The following SDSL variants were observed in gnomAD, a reference collection of about 807,000 sequenced individuals.
The protein encoded by SDSL is serine dehydratase-like.
A neutral mutation model predicts 27.6 loss-of-function variants in SDSL; 26 were observed. The observed-to-expected ratio is 0.94, with a 90% confidence interval of 0.69 to 1.31. The LOEUF (loss-of-function observed/expected upper bound fraction) is 1.31. Ranked by LOEUF, SDSL falls within the 50% of genes most tolerant of loss-of-function variation. SDSL has a pLI of 0.00. For synonymous variants in SDSL, 196 were observed against 180.6 expected, an observed-to-expected ratio of 1.09 and a Z score of -0.69; for missense variants, 431 against 423.5, an observed-to-expected ratio of 1.02 and a Z score of -0.16.
chr12:113,429,326 A>C (rs761246032), intron 4 of SDSL, 27 bp downstream of exon 4: 10 of 1,590,438 alleles, frequency 6.3e-6, no homozygotes, highest in Non-Finnish European at 8.6e-6. Flanking sequence ...GGGGAGAACC[A>C]TCTGGGTGGG....
At chr12:113,429,412 A>G in intron 4 of SDSL, 113 bp downstream of exon 4, 1 of 1,204,708 alleles carries the variant, frequency 8.3e-7, no homozygotes, top group Non-Finnish European at 1.2e-6. Context: ...GCTGGGACCC[A>G]GTCCTCTCTC....
intron 2 of SDSL, 99 bp from the exon 3 acceptor site, chr12:113,428,321 C>A: frequency 1.5e-6 from 2 of 1,337,954 alleles, no homozygotes; most frequent in Non-Finnish European, 1.0e-6. Context: ...GGGGTAAAGG[C>A]GTATTGGGAG....
At chr12:113,431,740 ATTT>A (rs36029038) in intron 4 of SDSL, among the ~76,000 whole-genome samples, 3 of 122,424 alleles carry the variant, frequency 2.5e-5, no homozygotes, top group Non-Finnish European at 3.5e-5. Context: ...CACCCAGCTA[ATTT>A]TTTTTTTTTT....
At chr12:113,432,929 C>T (rs979717672) in intron 4 of SDSL, among the ~76,000 whole-genome samples, 3 of 152,166 alleles carry the variant, frequency 2.0e-5, no homozygotes, top group African/African-American at 7.2e-5. Flanking sequence ...TGATGGGCAC[C>T]TGGGTTGATT....
chr12:113,429,666 A>G (rs1692595380), intron 4 of SDSL, among the ~76,000 whole-genome samples: 1 of 152,186 alleles, frequency 6.6e-6, no homozygotes, highest in Non-Finnish European at 1.5e-5. Flanking sequence ...ATTAGTTCTC[A>G]TTCTGAGACC....
intron 1 of SDSL, chr12:113,426,207 T>G (rs578239492): frequency 7.7e-5 from 35 of 455,574 alleles, no homozygotes; most frequent in South Asian, 5.1e-4. Context: ...CATTTCTCCC[T>G]CGAGGTGGTC....
At chr12:113,431,694 C>A (rs1957923592) in intron 4 of SDSL, among the ~76,000 whole-genome samples, 2 of 151,552 alleles carry the variant, frequency 1.3e-5, no homozygotes, top group Non-Finnish European at 2.9e-5. Context: ...CTGCCTTGGC[C>A]TCCCAAGTAG....
At chr12:113,430,116 TTCCA>T (rs750497934) in intron 4 of SDSL, among the ~76,000 whole-genome samples, 10 of 148,356 alleles carry the variant, frequency 6.7e-5, no homozygotes, top group Admixed American at 1.3e-4. Flanking sequence ...TCTCCCTTCT[TTCCA>T]TCCATCCATC....
At chr12:113,424,289 T>A (rs571773242) in intron 1 of SDSL, among the ~76,000 whole-genome samples, 4 of 152,348 alleles carry the variant, frequency 2.6e-5, no homozygotes, top group Non-Finnish European at 2.9e-5. Flanking sequence ...CACAAAGTGC[T>A]GGGATTACAG....
chr12:113,425,499 C>T (rs779970928), intron 1 of SDSL, among the ~76,000 whole-genome samples: 1 of 152,124 alleles, frequency 6.6e-6, no homozygotes, highest in Non-Finnish European at 1.5e-5. Flanking sequence ...TGTGAGTGGG[C>T]AGGGGAAGTT....
rs767802366 is a variant in SDSL, at chr12:113,432,272, CTT to C, written c.355-1860_355-1859del. ...TCTTTCTTTCTTTCTTTCTTTCTTTCTTTCTTTCTTTCTTTCTTTCTCTCTCT... is the reference window on the plus strand; with the variant it reads ...TCTTTCTTTCTTTCTTTCTTTCTTTCTCTTTCTTTCTTTCTTTCTCTCTCT... On this transcript the variant is annotated intron_variant, in intron 4 of 7. Coordinates refer to ENST00000403593, the MANE Select transcript of SDSL (RefSeq NM_001304993.2). Among the ~76,000 whole-genome samples, 463 of 129,756 alleles carry C rather than the reference CTT, an allele frequency of 3.6e-3. 8 individuals are homozygous for C. The highest frequency in any genetic ancestry group is 0.012 in the African/African-American group (406 of 33,412). The allele number at this position is 129,756 out of a possible 152,430, so 85.1% of individuals were successfully genotyped here. A position where few individuals can be genotyped will look rare whatever the true frequency, so the allele number is the denominator to read the frequency against.
In SDSL at chr12:113,436,833, G is replaced by A. The variant is rs755254153; in HGVS notation, c.754G>A (p.Val252Met). Residue 252 changes from valine to methionine, a missense_variant, in exon 7 of 8, where the codon GTG (valine) becomes ATG (methionine). Val to Met is a conservative substitution (Grantham distance 21, BLOSUM62 1). Transcript: ENST00000403593. ...MQVCKIHSEV[V>M]EDTEAVSAVQ... Reference sequence around the variant, plus strand: ...GGTGTGCAAGATTCACTCTGAAGTGGTGGAGGACACCGAGGCTGTGAGCGC... The same window carrying A: ...GGTGTGCAAGATTCACTCTGAAGTGATGGAGGACACCGAGGCTGTGAGCGC... The A allele has an allele frequency of 3.1e-6, 5 of 1,611,792 alleles. No individual in the cohort carries two copies. The African/African-American group carries it at 6.7e-5, about 22-fold the overall frequency.
intron 4 of SDSL, among the ~76,000 whole-genome samples, chr12:113,432,790 T>TA: frequency 6.6e-6 from 1 of 152,340 alleles, no homozygotes; most frequent in Middle Eastern, 3.4e-3. Flanking sequence ...TTTCTGTTCC[T>TA]AAGTTAATTA....
chr12:113,428,143 A>G lies in SDSL; in HGVS notation c.161A>G (p.His54Arg), dbSNP rs1484526991. 6.2e-7 allele frequency: 1 copy of G among 1,611,134 alleles called. No homozygotes were observed. Among genetic ancestry groups the G allele is most frequent in the South Asian group, 1.1e-5 (1 of 90,506 alleles). ...SGSFKIRGIGHFCQEMAKKGC... is the reference protein window; with the variant it reads ...SGSFKIRGIGRFCQEMAKKGC... ...TCCTTCAAGATTCGGGGCATTGGGC[A>G]TTTCTGCCAGGAGGTGAGGGTGTGT... The change falls in exon 2 of 8, where the codon CAT (histidine) becomes CGT (arginine). Residue 54 changes from histidine to arginine, a missense_variant. Transcript: ENST00000403593.
At chr12:113,436,004 C>T (rs1957986830) in intron 6 of SDSL, among the ~76,000 whole-genome samples, 2 of 152,158 alleles carry the variant, frequency 1.3e-5, no homozygotes, top group Non-Finnish European at 2.9e-5. Context: ...GCCTGTAGTC[C>T]TAGCTACTTG....
intron 7 of SDSL, 88 bp downstream of exon 7, chr12:113,436,963 C>T: frequency 1.5e-6 from 2 of 1,327,526 alleles, no homozygotes; most frequent in Non-Finnish European, 2.0e-6. Flanking sequence ...TTATCTGTAT[C>T]CTCAGCACCA....
chr12:113,436,312 G>A (rs1445810525), intron 6 of SDSL, among the ~76,000 whole-genome samples: 1 of 147,448 alleles, frequency 6.8e-6, no homozygotes, highest in Non-Finnish European at 1.5e-5. Flanking sequence ...TTTTTGAGAT[G>A]GAATCTCACT....
At chr12:113,429,409 C>T in intron 4 of SDSL, 110 bp downstream of exon 4, 1 of 1,218,752 alleles carries the variant, frequency 8.2e-7, no homozygotes, top group East Asian at 2.5e-5. Flanking sequence ...GTGGCTGGGA[C>T]CCAGTCCTCT....
intron 4 of SDSL, 53 bp from the exon 5 acceptor site, chr12:113,434,081 C>T: frequency 1.3e-6 from 2 of 1,483,298 alleles, no homozygotes; most frequent in Non-Finnish European, 1.9e-6. Context: ...CTGCTCCGGC[C>T]TCCATAGCAG....
Sources: gnomAD v4.1 joint callset for allele counts (sites outside exome capture counted in the v4.1 genomes callset) on GRCh38, gnomAD v4.1.1 for gene constraint, MANE v1.5 for transcripts, NCBI Gene and HGNC (gene_info 2026-07-23, HGNC 2026-07-21) for gene names.